Variants in PRELID2 observed in about 807,000 individuals in gnomAD.
PRELID2 encodes the protein PRELI domain containing 2.
A neutral mutation model predicts 28.4 loss-of-function variants in PRELID2; 25 were observed. The ratio of observed to expected loss-of-function variants is 0.88; its 90% CI spans 0.64 to 1.23. The LOEUF is 1.23. PRELID2 is among the 50% of genes most tolerant of loss of function. The probability of loss-of-function intolerance (pLI) is 0.00; values close to 1 mark genes in which losing one functional copy is unlikely to be tolerated. For missense variants in PRELID2, 201 were observed against 214.4 expected (o/e 0.94, Z 0.39); for synonymous variants, 76 against 71.6 (o/e 1.06, Z -0.31).
chr5:145,590,431 G>A (rs1299293948), intron 1 of PRELID2, among the ~76,000 whole-genome samples: 2 of 151,664 alleles, frequency 1.3e-5, no homozygotes, highest in Non-Finnish European at 2.9e-5. Context: ...TTTATTTATT[G>A]TTTATCTCTC....
chr5:145,834,932 C>T, intron 1 of PRELID2: 1 of 424,510 alleles, frequency 2.4e-6, no homozygotes, highest in Non-Finnish European at 4.2e-6. Context: ...GGAGGCTCTT[C>T]CTAAAAGGAA....
chr5:145,510,362 T>C (rs1752450587), intron 1 of PRELID2, among the ~76,000 whole-genome samples: 1 of 152,244 alleles, frequency 6.6e-6, no homozygotes, highest in Non-Finnish European at 1.5e-5. Context: ...CATTGTTTTT[T>C]AATGGGACTA....
chr5:145,804,114 G>T (rs545884062), intron 4 of PRELID2, among the ~76,000 whole-genome samples: 1 of 152,180 alleles, frequency 6.6e-6, no homozygotes, highest in Non-Finnish European at 1.5e-5. Context: ...AACAGGGTAT[G>T]CCATAACATT....
At chr5:145,673,641 T>TA (rs34241761) in intron 1 of PRELID2, among the ~76,000 whole-genome samples, 1 of 151,720 alleles carries the variant, frequency 6.6e-6, no homozygotes, top group Non-Finnish European at 1.5e-5. Context: ...AATAAATCTA[T>TA]AAAAAAAATT....
the PRELID2 span, among the ~76,000 whole-genome samples, chr5:145,378,735 C>T: frequency 6.6e-6 from 1 of 152,178 alleles, no homozygotes; most frequent in South Asian, 2.1e-4. Context: ...CCAAGGTACT[C>T]CTGTAATTCA....
At chr5:145,675,216 T>C (rs1448085121) in intron 1 of PRELID2, among the ~76,000 whole-genome samples, 1 of 152,140 alleles carries the variant, frequency 6.6e-6, no homozygotes, top group African/African-American at 2.4e-5. Flanking sequence ...CGATTAATTA[T>C]AGTAAACTGG....
chr5:145,439,180 G>A, the PRELID2 span, among the ~76,000 whole-genome samples: 4 of 152,226 alleles, frequency 2.6e-5, no homozygotes, highest in East Asian at 5.8e-4. Context: ...CTGCAGAATT[G>A]CCTGGGATTG....
the PRELID2 span, among the ~76,000 whole-genome samples, chr5:145,431,612 T>C: frequency 6.6e-6 from 1 of 152,166 alleles, no homozygotes; most frequent in Non-Finnish European, 1.5e-5. Context: ...AGCTCCGTAA[T>C]ATTTCTGCCA....
chr5:145,828,642 T>G (rs1203093850), intron 1 of PRELID2, among the ~76,000 whole-genome samples: 1 of 152,102 alleles, frequency 6.6e-6, no homozygotes, highest in African/African-American at 2.4e-5. Flanking sequence ...AAAAGACAAC[T>G]GTTTCTAAAT....
At chr5:145,293,762 A>T in the PRELID2 span, among the ~76,000 whole-genome samples, 3 of 152,202 alleles carry the variant, frequency 2.0e-5, no homozygotes, top group Non-Finnish European at 2.9e-5. Flanking sequence ...TCCTACAAGC[A>T]TAATAGTGAA....
At chr5:145,370,327 T>C in the PRELID2 span, among the ~76,000 whole-genome samples, 1 of 151,368 alleles carries the variant, frequency 6.6e-6, no homozygotes, top group Non-Finnish European at 1.5e-5. Context: ...AGTTGTTTAT[T>C]TTTTTCTGCA....
In PRELID2 at chr5:145,634,603, C is replaced by T. The variant is rs182200914; in HGVS notation, n.70+130328G>A. On this transcript the variant is annotated intron_variant and non_coding_transcript_variant, in intron 1 of 2. Coordinates refer to the PRELID2 transcript ENST00000510259. Reference sequence around the variant, plus strand: ...TTTCCCCTAAAAGCCCTCTCTGATGCCCCTACCCCAGTGATGGGCTAGGAC... The same window carrying T: ...TTTCCCCTAAAAGCCCTCTCTGATGTCCCTACCCCAGTGATGGGCTAGGAC... Among the ~76,000 whole-genome samples the T allele has an allele frequency of 2.1e-4, 32 of 152,278 alleles. No individual in the cohort carries two copies. The East Asian group carries it at 2.5e-3, about 12-fold the overall frequency.
chr5:145,551,004 C>G (rs1482079658), intron 1 of PRELID2, among the ~76,000 whole-genome samples: 3 of 152,076 alleles, frequency 2.0e-5, no homozygotes, highest in African/African-American at 7.2e-5. Context: ...AAAAACTATA[C>G]TAATATTATC....
At chr5:145,229,805 G>A in the PRELID2 span, 1 of 759,242 alleles carries the variant, frequency 1.3e-6, no homozygotes, top group East Asian at 2.4e-5. Flanking sequence ...ATAGCCCTGA[G>A]TGTGAATTTG....
intron 1 of PRELID2, among the ~76,000 whole-genome samples, chr5:145,831,345 G>C (rs1269324637): frequency 6.6e-6 from 1 of 151,976 alleles, no homozygotes; most frequent in African/African-American, 2.4e-5. Context: ...TTTCTAATTT[G>C]CATAAATAGT....
chr5:145,390,418 C>A, the PRELID2 span, among the ~76,000 whole-genome samples: 3 of 152,162 alleles, frequency 2.0e-5, no homozygotes, highest in Admixed American at 2.0e-4. Flanking sequence ...AGCAAACATA[C>A]CTCTCTTCAC....
chr5:145,432,896 A>G, the PRELID2 span, among the ~76,000 whole-genome samples: 9 of 152,316 alleles, frequency 5.9e-5, no homozygotes, highest in African/African-American at 1.7e-4. Context: ...TTAAAGTTCA[A>G]TGTAGGGGAT....
the PRELID2 span, among the ~76,000 whole-genome samples, chr5:145,294,773 A>G: frequency 6.6e-6 from 1 of 152,112 alleles, no homozygotes; most frequent in Non-Finnish European, 1.5e-5. Flanking sequence ...GTGATGTTCT[A>G]TTTCTGCATT....
chr5:145,352,673 A>G, the PRELID2 span, among the ~76,000 whole-genome samples: 1 of 152,166 alleles, frequency 6.6e-6, no homozygotes, highest in African/African-American at 2.4e-5. Flanking sequence ...CTTTCCAGAA[A>G]ATAGGTTTTT....
Sources: allele counts gnomAD v4.1 joint callset (sites outside exome capture counted in the v4.1 genomes callset), GRCh38; gene constraint gnomAD v4.1.1; transcripts MANE v1.5; gene names NCBI Gene and HGNC (gene_info 2026-07-23, HGNC 2026-07-21).